The following PDE10A variants were observed in gnomAD, a reference collection of about 807,000 sequenced individuals.
PDE10A encodes the protein phosphodiesterase 10A, also known as cAMP and cAMP-inhibited cGMP 3',5'-cyclic phosphodiesterase 10A.
A neutral mutation model predicts 97.7 loss-of-function variants in PDE10A; 39 were observed. The observed-to-expected ratio is 0.40, with a 90% confidence interval of 0.31 to 0.52. The LOEUF is 0.52. PDE10A is among the 20% of genes least tolerant of loss of function. The pLI is 0.56. For missense variants in PDE10A, 731 were observed against 1,047.8 expected, an observed-to-expected ratio of 0.70 and a Z score of 4.17; for synonymous variants, 371 against 376.8, an observed-to-expected ratio of 0.98 and a Z score of 0.18.
upstream of PDE10A, chr6:165,987,961 G>T (rs1785275455): frequency 9.3e-5 from 36 of 385,190 alleles, 2 homozygotes; most frequent in South Asian, 6.7e-4. Flanking sequence ...GAACATGAGT[G>T]CTTGTGTGTG....
intron 1 of PDE10A, among the ~76,000 whole-genome samples, chr6:165,597,875 G>A (rs935111957): frequency 2.6e-5 from 4 of 152,216 alleles, no homozygotes; most frequent in Non-Finnish European, 4.4e-5. Context: ...AAAAAAGACT[G>A]TGAGGCTGGT....
chr6:165,643,620 C>G (rs79464358), intron 1 of PDE10A, among the ~76,000 whole-genome samples: 3 of 152,066 alleles, frequency 2.0e-5, no homozygotes, highest in African/African-American at 7.3e-5. Flanking sequence ...TGAATGACCT[C>G]GCTTATATTT....
chr6:165,371,306 G>C (rs950607065), intron 18 of PDE10A, among the ~76,000 whole-genome samples: 1 of 151,756 alleles, frequency 6.6e-6, no homozygotes, highest in Admixed American at 6.6e-5. Context: ...TTTTTTGAAA[G>C]GATCAACAAA....
chr6:165,761,925 C>A (rs1793260179), intron 1 of PDE10A, among the ~76,000 whole-genome samples: 1 of 152,150 alleles, frequency 6.6e-6, no homozygotes, highest in Non-Finnish European at 1.5e-5. Flanking sequence ...GTGAAACTGG[C>A]CCTATTGTCC....
chr6:165,887,562 C>A (rs1273243738), intron 1 of PDE10A, among the ~76,000 whole-genome samples: 1 of 152,180 alleles, frequency 6.6e-6, no homozygotes, highest in African/African-American at 2.4e-5. Context: ...GTCCTCTCAG[C>A]CAGCAGCGTT....
chr6:165,580,551 A>C (rs2128354396), intron 1 of PDE10A, among the ~76,000 whole-genome samples: 1 of 152,356 alleles, frequency 6.6e-6, no homozygotes, highest in South Asian at 2.1e-4. Context: ...TTAAGGAAAA[A>C]GTAATGTGCA....
At chr6:165,691,113 C>T (rs1461945720) in intron 1 of PDE10A, among the ~76,000 whole-genome samples, 2 of 109,214 alleles carry the variant, frequency 1.8e-5, no homozygotes, top group African/African-American at 3.5e-5. Flanking sequence ...CTCTCCCCCC[C>T]CCCATCAGTG....
chr6:165,356,251 C>T (rs1226768586), intron 18 of PDE10A, among the ~76,000 whole-genome samples: 1 of 152,242 alleles, frequency 6.6e-6, no homozygotes. Flanking sequence ...TTGCCAACAA[C>T]TGATAATGTT....
rs1789876347 is a variant in PDE10A, at chr6:165,655,149, CTCCGTCTGTATT to C, written c.865+6786_865+6797del. Among the ~76,000 whole-genome samples the C allele has an allele frequency of 1.3e-5, 2 of 152,210 alleles. No homozygotes were observed. The highest frequency in any genetic ancestry group is 4.8e-5 in the African/African-American group (2 of 41,454). On this transcript the variant is annotated intron_variant, in intron 1 of 21. Transcript: ENST00000539869. This position sits in a 1 kb window ranked among gnomAD's most constrained non-coding sequence, Gnocchi z 4.5. Reference sequence around the variant, plus strand: ...CACCCAGCTATGGTTGATTAACCAACTCCGTCTGTATTTCCCTCAGAGTCAAAATGTCACTGA... The same window carrying C: ...CACCCAGCTATGGTTGATTAACCAACTCCCTCAGAGTCAAAATGTCACTGA...
At chr6:165,901,759 G>A (rs141952772) in intron 1 of PDE10A, among the ~76,000 whole-genome samples, 6 of 152,080 alleles carry the variant, frequency 3.9e-5, no homozygotes, top group East Asian at 1.9e-4. Context: ...CTGAGATTGC[G>A]CCGTTGCACT....
At chr6:165,742,974 G>A (rs1448108973) in intron 1 of PDE10A, among the ~76,000 whole-genome samples, 1 of 152,132 alleles carries the variant, frequency 6.6e-6, no homozygotes, top group East Asian at 1.9e-4. Flanking sequence ...CTTTTCATAG[G>A]AAAAAGAAAA....
chr6:165,641,817 A>G (rs542324567), intron 1 of PDE10A, among the ~76,000 whole-genome samples: 1 of 152,360 alleles, frequency 6.6e-6, no homozygotes, highest in South Asian at 2.1e-4. Flanking sequence ...AAGATGAGGA[A>G]TAGAAAGCAA....
intron 2 of PDE10A, among the ~76,000 whole-genome samples, chr6:165,526,380 G>C (rs1583468210): frequency 6.6e-6 from 1 of 152,216 alleles, no homozygotes; most frequent in Non-Finnish European, 1.5e-5. Flanking sequence ...AATTGGCATA[G>C]ATGTACTTAG....
chr6:165,562,058 C>T (rs1034519719), intron 1 of PDE10A, among the ~76,000 whole-genome samples: 1 of 152,016 alleles, frequency 6.6e-6, no homozygotes, highest in Non-Finnish European at 1.5e-5. Flanking sequence ...ATCACTTCAG[C>T]ACAGGAGTTC....
intron 1 of PDE10A, among the ~76,000 whole-genome samples, chr6:165,945,342 C>T (rs1235251538): frequency 6.6e-6 from 1 of 152,200 alleles, no homozygotes; most frequent in Non-Finnish European, 1.5e-5. Flanking sequence ...CACAGCTAAG[C>T]TACTCTTGAC....
At chr6:165,737,020 TA>T (rs1214338081) in intron 1 of PDE10A, among the ~76,000 whole-genome samples, 1 of 152,168 alleles carries the variant, frequency 6.6e-6, no homozygotes, top group Non-Finnish European at 1.5e-5. Flanking sequence ...CTATTAAAAT[TA>T]TATGTCAATA....
chr6:165,658,935 T>A (rs985041088), intron 1 of PDE10A, among the ~76,000 whole-genome samples: 1 of 152,218 alleles, frequency 6.6e-6, no homozygotes, highest in Non-Finnish European at 1.5e-5. Context: ...TAGGGGACTC[T>A]GTCTCTATTA....
chr6:165,470,578 T>A (rs1231512974), intron 3 of PDE10A, among the ~76,000 whole-genome samples: 1 of 152,240 alleles, frequency 6.6e-6, no homozygotes, highest in Admixed American at 6.5e-5. Flanking sequence ...CATAGAAAAG[T>A]ATTACCTCTT....
At chr6:165,859,300 AG>A (rs1780836897) in intron 1 of PDE10A, among the ~76,000 whole-genome samples, 1 of 152,164 alleles carries the variant, frequency 6.6e-6, no homozygotes, top group South Asian at 2.1e-4. Context: ...TTCAAAGAAA[AG>A]TTTTGGTAAA....
Sources: allele counts gnomAD v4.1 joint callset (sites outside exome capture counted in the v4.1 genomes callset), GRCh38; gene constraint gnomAD v4.1.1; non-coding constraint Gnocchi (gnomAD v3.1); transcripts MANE v1.5; gene names NCBI Gene and HGNC (gene_info 2026-07-23, HGNC 2026-07-21).